The following KIAA1217 variants were observed in gnomAD, a reference collection of about 807,000 sequenced individuals.
KIAA1217 encodes KIAA1217.
In KIAA1217, 88 loss-of-function variants were observed where a neutral mutation model predicts 163.9. That is an observed-to-expected ratio of 0.54 (90% CI 0.45 to 0.64). KIAA1217 has a LOEUF of 0.64. Ranked by LOEUF, KIAA1217 falls within the 30% of genes least tolerant of loss-of-function variation. The pLI is 0.00. For synonymous variants in KIAA1217, 903 were observed against 923.1 expected (o/e 0.98, Z 0.39); for missense variants, 2,372 against 2,475.0 (o/e 0.96, Z 0.88).
intron 1 of KIAA1217, among the ~76,000 whole-genome samples, chr10:23,728,297 C>A (rs149734984): frequency 0.027 from 4,159 of 152,256 alleles, 182 homozygotes; most frequent in African/African-American, 0.091. Flanking sequence ...TGAAAGTGTT[C>A]CTATTTCTCC....
At chr10:24,215,331 A>C (rs1480536890) in intron 1 of KIAA1217, among the ~76,000 whole-genome samples, 3 of 152,208 alleles carry the variant, frequency 2.0e-5, no homozygotes, top group Non-Finnish European at 4.4e-5. Context: ...CCTTTCAGCA[A>C]GCCCAAGCCT....
intron 2 of KIAA1217, among the ~76,000 whole-genome samples, chr10:24,287,556 A>G (rs1365844958): frequency 6.6e-6 from 1 of 152,220 alleles, no homozygotes; most frequent in African/African-American, 2.4e-5. Context: ...AAAGCTCATT[A>G]TAAAAAATAC....
At chr10:24,118,592 A>G (rs1301350018) in intron 2 of KIAA1217, among the ~76,000 whole-genome samples, 1 of 152,244 alleles carries the variant, frequency 6.6e-6, no homozygotes, top group Non-Finnish European at 1.5e-5. Flanking sequence ...GAAATGTCAC[A>G]AGGAATACAA....
chr10:23,957,128 C>A (rs1377840602), intron 1 of KIAA1217, among the ~76,000 whole-genome samples: 1 of 152,194 alleles, frequency 6.6e-6, no homozygotes, highest in Non-Finnish European at 1.5e-5. Flanking sequence ...CCATTGAGAA[C>A]TCTTCAGTGA....
At chr10:23,869,887 C>A (rs1840377707) in intron 1 of KIAA1217, among the ~76,000 whole-genome samples, 1 of 152,106 alleles carries the variant, frequency 6.6e-6, no homozygotes, top group African/African-American at 2.4e-5. Context: ...ATCTTGTTGA[C>A]ATCTGAGTGC....
At position 24,464,454 on chromosome 10, in the gene KIAA1217, G is replaced by A. The variant is rs144268571; in HGVS notation, c.847-8774G>A. 1.3e-4 allele frequency among the ~76,000 whole-genome samples: 20 copies of A among 152,220 alleles called. No individual in the cohort carries two copies. In the South Asian group the frequency reaches 1.7e-3, roughly 13 times the overall value. The stretch of plus-strand genomic sequence containing the variant: ...TCAACAGAAGCCACCTCTCTCTAGC[G>A]TAATGGACATGGTTTCTTGTGGTTT... On this transcript the variant is annotated intron_variant, in intron 5 of 20. Coordinates refer to ENST00000376454, the MANE Select transcript of KIAA1217 (RefSeq NM_019590.5).
At chr10:23,722,264 T>C (rs1229939153) in intron 1 of KIAA1217, among the ~76,000 whole-genome samples, 2 of 152,164 alleles carry the variant, frequency 1.3e-5, no homozygotes, top group Middle Eastern at 3.2e-3. Context: ...TTTTGCAAGA[T>C]GAAAAGAGTT....
At chr10:24,161,775 T>C (rs2065132330) in intron 2 of KIAA1217, among the ~76,000 whole-genome samples, 1 of 152,204 alleles carries the variant, frequency 6.6e-6, no homozygotes, top group Non-Finnish European at 1.5e-5. Flanking sequence ...AAAGCTTTGA[T>C]TGTCCGTTAT....
intron 2 of KIAA1217, among the ~76,000 whole-genome samples, chr10:24,249,234 G>C (rs2074201838): frequency 6.6e-6 from 1 of 152,102 alleles, no homozygotes; most frequent in Non-Finnish European, 1.5e-5. Flanking sequence ...TTTGCAAAAG[G>C]GAACAAATGT....
At chr10:24,110,679 A>G (rs1264132585) in intron 2 of KIAA1217, among the ~76,000 whole-genome samples, 5 of 152,230 alleles carry the variant, frequency 3.3e-5, no homozygotes, top group African/African-American at 9.6e-5. Flanking sequence ...CCTTTGTTGA[A>G]CAGCCCTGTG....
chr10:23,865,048 C>T (rs976855326), intron 1 of KIAA1217, among the ~76,000 whole-genome samples: 5 of 152,156 alleles, frequency 3.3e-5, no homozygotes, highest in Non-Finnish European at 7.3e-5. Flanking sequence ...GAGACTGGTG[C>T]TTGAACAAAT....
intron 1 of KIAA1217, among the ~76,000 whole-genome samples, chr10:23,809,263 G>T (rs533564970): frequency 2.0e-5 from 3 of 152,032 alleles, no homozygotes; most frequent in South Asian, 2.1e-4. Flanking sequence ...GAAAAAAGAC[G>T]CAAAACAGTG....
chr10:24,364,461 C>T (rs902347348), intron 2 of KIAA1217, among the ~76,000 whole-genome samples: 4 of 151,820 alleles, frequency 2.6e-5, no homozygotes, highest in Admixed American at 6.6e-5. Context: ...TACTGAGAAG[C>T]GAAAAAAGGT....
At chr10:24,495,272 T>A in intron 8 of KIAA1217, 76 bp downstream of exon 8, 9 of 1,178,754 alleles carry the variant, frequency 7.6e-6, no homozygotes, top group Non-Finnish European at 1.1e-5. Flanking sequence ...CAGAAATGTT[T>A]AACATTTCCC....
chr10:24,091,048 A>G (rs1193550251), intron 2 of KIAA1217, among the ~76,000 whole-genome samples: 6 of 151,952 alleles, frequency 3.9e-5, no homozygotes, highest in Non-Finnish European at 7.3e-5. Flanking sequence ...TTTCAGATCT[A>G]TTAAGATGAG....
intron 1 of KIAA1217, among the ~76,000 whole-genome samples, chr10:23,840,061 C>T (rs1467731244): frequency 6.6e-6 from 1 of 152,076 alleles, no homozygotes; most frequent in Admixed American, 6.6e-5. Flanking sequence ...GTGGAAATTG[C>T]CTAATGTCCT....
At chr10:23,717,296 C>T (rs1837629967) in intron 1 of KIAA1217, among the ~76,000 whole-genome samples, 2 of 152,018 alleles carry the variant, frequency 1.3e-5, no homozygotes, top group Admixed American at 6.6e-5. Context: ...CTGAATTAAG[C>T]TCATAGCGGG....
At chr10:24,269,589 A>G (rs2076579773) in intron 2 of KIAA1217, among the ~76,000 whole-genome samples, 1 of 152,152 alleles carries the variant, frequency 6.6e-6, no homozygotes, top group Non-Finnish European at 1.5e-5. Flanking sequence ...TGGCAGAAAC[A>G]TGAAGGCTAA....
At chr10:24,149,748 A>G (rs2064514245) in intron 2 of KIAA1217, among the ~76,000 whole-genome samples, 1 of 152,168 alleles carries the variant, frequency 6.6e-6, no homozygotes, top group African/African-American at 2.4e-5. Flanking sequence ...TACAAGAAAT[A>G]TTTGTGATGT....
Sources: allele counts gnomAD v4.1 joint callset (sites outside exome capture counted in the v4.1 genomes callset), GRCh38; gene constraint gnomAD v4.1.1; transcripts MANE v1.5; gene names NCBI Gene and HGNC (gene_info 2026-07-23, HGNC 2026-07-21).